The following MTOR variants were observed in gnomAD, a reference collection of about 807,000 sequenced individuals.
MTOR encodes serine/threonine-protein kinase mTOR.
In MTOR, 70 loss-of-function variants were observed where a neutral mutation model predicts 319.8. That is an observed-to-expected ratio of 0.22 (90% CI 0.18 to 0.27). MTOR has a LOEUF of 0.27. Among genes scored for constraint, MTOR ranks in the 10% least tolerant of loss-of-function variants. The pLI, the probability that MTOR is intolerant of heterozygous loss-of-function variation, is 1.00. For synonymous variants in MTOR, 1,183 were observed against 1,211.4 expected (o/e 0.98, Z 0.49); for missense variants, 1,890 against 3,274.4 (o/e 0.58, Z 10.32).
intron 36 of MTOR, among the ~76,000 whole-genome samples, chr1:11,136,375 T>A (rs1454880384): frequency 6.6e-6 from 1 of 152,180 alleles, no homozygotes; most frequent in Non-Finnish European, 1.5e-5. Flanking sequence ...AAGACACCTG[T>A]CTCCCTCAGA....
rs1649086033 is a variant in MTOR, at chr1:11,248,095, CTA to C, written c.841-3_841-2del. On this transcript the variant is annotated splice_acceptor_variant and splice_polypyrimidine_tract_variant and intron_variant, in intron 6 of 57. Coordinates refer to ENST00000361445, the MANE Select transcript of MTOR (RefSeq NM_004958.4). LOFTEE classifies it high-confidence loss of function. ...TTTCTTCCATTTCTTCTCTCAGACG[CTA>C]TATATATGAGGAGGAAAAAAATCAT... The C allele has an allele frequency of 6.3e-7, 1 of 1,597,872 alleles. No individual in the cohort carries two copies. The highest frequency in any genetic ancestry group is 1.1e-5 in the South Asian group (1 of 89,656).
In MTOR at chr1:11,258,539, C is replaced by A; in HGVS notation, c.217G>T (p.Glu73Ter). The A allele has an allele frequency of 6.2e-7, 1 of 1,614,078 alleles. No individual in the cohort carries two copies. Among genetic ancestry groups the A allele is most frequent in the Non-Finnish European group, 8.5e-7 (1 of 1,180,012 alleles). ...FYDQLNHHIFELVSSSDANER... is the reference protein window; with the variant it reads ...FYDQLNHHIF ...TTGGCATCTGAGCTGGAAACCAATT[C>A]AAAAATGTGATGGTTCAGTTGGTCA... Residue 73 changes from glutamate to a stop codon, truncating the protein, a stop_gained, in exon 3 of 58, where the codon GAA becomes TAA. Coordinates refer to ENST00000361445, the MANE Select transcript of MTOR (RefSeq NM_004958.4). LOFTEE classifies it high-confidence loss of function.
Position 11,143,297 on chromosome 1 carries a change from C to T in MTOR, c.4872+1351G>A, listed in dbSNP as rs556199455. ...CCAGTAAAGTCAGACAGGCATCTCT[C>T]TTCCCAGGACTCATTCCATGCCTCC... On this transcript the variant is annotated intron_variant, in intron 34 of 57. Coordinates refer to ENST00000361445, the MANE Select transcript of MTOR (RefSeq NM_004958.4). Among the ~76,000 whole-genome samples, 151 of 152,330 alleles carry T rather than the reference C, an allele frequency of 9.9e-4. 1 individual carries two copies. The highest frequency in any genetic ancestry group is 5.4e-3 in the South Asian group (26 of 4,820).
Position 11,115,587 on chromosome 1 carries a change from C to T in MTOR, c.7017-119G>A. On this transcript the variant is annotated intron_variant, in intron 50 of 57. Coordinates refer to ENST00000361445, the MANE Select transcript of MTOR (RefSeq NM_004958.4). This position sits in a 1 kb window ranked among gnomAD's most constrained non-coding sequence, Gnocchi z 4.5. ...AAACGATAGCCCTCAGCCAATCCAG[C>T]CCCTCCACCTCCACTTCTGCAAGTC... The T allele has an allele frequency of 1.2e-6, 1 of 841,718 alleles. No individual in the cohort carries two copies. The highest frequency in any genetic ancestry group is 2.0e-5 in the Admixed American group (1 of 51,048). The allele number at this position is 841,718 out of a possible 1,614,324, so 52.1% of individuals were successfully genotyped here. A position where few individuals can be genotyped will look rare whatever the true frequency, so the allele number is the denominator to read the frequency against.
intron 28 of MTOR, among the ~76,000 whole-genome samples, chr1:11,198,719 A>G (rs1312057609): frequency 2.6e-5 from 4 of 152,236 alleles, no homozygotes; most frequent in Non-Finnish European, 5.9e-5. Flanking sequence ...TTCCATACCC[A>G]GAAGACTGAA....
At chr1:11,170,034 T>C (rs932821257) in intron 28 of MTOR, among the ~76,000 whole-genome samples, 3 of 152,200 alleles carry the variant, frequency 2.0e-5, no homozygotes, top group Non-Finnish European at 2.9e-5. Context: ...TCCAGATTCG[T>C]TGGGGAAGCT....
intron 25 of MTOR, among the ~76,000 whole-genome samples, chr1:11,206,864 G>C (rs1198328687): frequency 6.6e-6 from 1 of 152,202 alleles, no homozygotes; most frequent in Non-Finnish European, 1.5e-5. Flanking sequence ...CATTCAGACA[G>C]ACAGTAAAGC....
rs373827951 is a variant in MTOR at position 11,128,148 on chromosome 1, C to T, written c.5911-22G>A. 1.2e-5 allele frequency: 20 copies of T among 1,612,796 alleles called. No individual in the cohort carries two copies. The highest frequency in any genetic ancestry group is 1.7e-5 in the Non-Finnish European group (20 of 1,179,660). ...GGGCCTGAGGGAAAAACAGAAGAAA[C>T]ATCTATAAAGGAAATGTGGGTTGGG... On this transcript the variant is annotated intron_variant, in intron 42 of 57. Transcript: ENST00000361445. The surrounding 1 kb of genome is among the most constrained non-coding windows in gnomAD (Gnocchi z 5.3).
intron 25 of MTOR, among the ~76,000 whole-genome samples, chr1:11,209,096 A>C (rs1251068468): frequency 6.6e-6 from 1 of 152,248 alleles, no homozygotes; most frequent in Non-Finnish European, 1.5e-5. Flanking sequence ...AAGGGAGCAC[A>C]AAAGGACATT....
intron 6 of MTOR, among the ~76,000 whole-genome samples, chr1:11,251,662 T>TC (rs1649706973): frequency 6.6e-6 from 1 of 150,568 alleles, no homozygotes; most frequent in East Asian, 1.9e-4. Context: ...TTTCTTTTTT[T>TC]TTTTTTTTTT....
At chr1:11,259,197 T>TA in intron 2 of MTOR, 51 bp downstream of exon 2, 2 of 1,583,364 alleles carry the variant, frequency 1.3e-6, no homozygotes, top group African/African-American at 2.8e-5. Context: ...CCAGTGATGG[T>TA]ACATTTAGCC....
At chr1:11,237,431 T>C (rs971318225) in intron 13 of MTOR, among the ~76,000 whole-genome samples, 6 of 152,124 alleles carry the variant, frequency 3.9e-5, no homozygotes, top group African/African-American at 1.4e-4. Context: ...CTGGTTATTT[T>C]TGTGAAGAAC....
Position 11,128,975 on chromosome 1 carries a change from C to T in MTOR, c.5715-24G>A, listed in dbSNP as rs1369240485. ...CTCTGAAAAAGAAATGAGAAAGTCA[C>T]AGAAAATTTAGTTTCCCAGTTTTTG... On this transcript the variant is annotated intron_variant, in intron 40 of 57. Transcript: ENST00000361445. The surrounding 1 kb of genome is among the most constrained non-coding windows in gnomAD (Gnocchi z 5.3). 1.2e-6 allele frequency: 2 copies of T among 1,600,956 alleles called. No individual in the cohort carries two copies. Among genetic ancestry groups the T allele is most frequent in the African/African-American group, 1.3e-5 (1 of 74,748 alleles).
At position 11,146,682 on chromosome 1, in the gene MTOR, T is replaced by C. The variant is rs146939024; in HGVS notation, c.4680A>G (p.Ala1560=). 63 of 1,613,870 alleles carry C rather than the reference T, an allele frequency of 3.9e-5. No homozygotes were observed. In the East Asian group the frequency reaches 1.4e-3, roughly 35 times the overall value. ...GGTGCATGTAGGTTTTTACCTGTTG[T>C]GCCAAGGAGAAGAGGTCCTGATGCA... is the stretch of plus-strand genomic sequence containing the variant. ...LALHQDLFSL[A]QQCIDKARDL... Residue 1560 remains alanine, a synonymous_variant, in exon 32 of 58, where the codon GCA becomes GCG. Coordinates refer to ENST00000361445, the MANE Select transcript of MTOR (RefSeq NM_004958.4).
At chr1:11,151,965 A>G (rs986311516) in intron 30 of MTOR, among the ~76,000 whole-genome samples, 1 of 152,196 alleles carries the variant, frequency 6.6e-6, no homozygotes, top group African/African-American at 2.4e-5. Flanking sequence ...AAATCCCACA[A>G]ATTGTTACCC....
In MTOR at chr1:11,114,514, G is replaced by A. The variant is rs1642060644; in HGVS notation, c.7165-61C>T. 6.2e-6 allele frequency: 10 copies of A among 1,604,590 alleles called. No homozygotes were observed. The East Asian group carries it at 6.7e-5, about 11-fold the overall frequency. ...ACTAACTCTCCACCCAAAGCAAGCC[G>A]AGGGGGTCTGTTACCCTCACTTAGG... is the stretch of plus-strand genomic sequence containing the variant. On this transcript the variant is annotated intron_variant, in intron 52 of 57. Coordinates refer to ENST00000361445, the MANE Select transcript of MTOR (RefSeq NM_004958.4).
intron 4 of MTOR, 106 bp from the exon 5 acceptor site, chr1:11,256,298 G>A (rs1426602879): frequency 1.4e-6 from 2 of 1,474,594 alleles, no homozygotes; most frequent in African/African-American, 2.8e-5. Context: ...GAACAGAGAA[G>A]GCTTGCTCAC....
chr1:11,243,361 A>G, intron 8 of MTOR, 61 bp from the exon 9 acceptor site: 1 of 1,476,630 alleles, frequency 6.8e-7, no homozygotes, highest in African/African-American at 1.4e-5. Flanking sequence ...ACATATCAAC[A>G]GTCAAAGGTC....
intron 29 of MTOR, among the ~76,000 whole-genome samples, chr1:11,163,866 T>C (rs1024886201): frequency 5.9e-5 from 9 of 151,762 alleles, no homozygotes; most frequent in African/African-American, 2.2e-4. Flanking sequence ...ACATCACAAT[T>C]AAAAGAACTA....
Sources: gnomAD v4.1 joint callset for allele counts (sites outside exome capture counted in the v4.1 genomes callset) on GRCh38, gnomAD v4.1.1 for gene constraint, Gnocchi (gnomAD v3.1) non-coding constraint, MANE v1.5 for transcripts, NCBI Gene and HGNC (gene_info 2026-07-23, HGNC 2026-07-21) for gene names.